KL: variants seen among roughly 807,000 people sequenced by gnomAD.
KL encodes alpha-klotho.
A neutral mutation model predicts 84.2 loss-of-function variants in KL; 62 were observed. The ratio of observed to expected loss-of-function variants is 0.74; its 90% CI spans 0.60 to 0.91. The LOEUF (loss-of-function observed/expected upper bound fraction) is 0.91, where lower values mean the gene tolerates loss of function less well. KL is among the 40% of genes least tolerant of loss of function. KL has a pLI of 0.00. For missense variants in KL, 1,261 were observed against 1,305.7 expected, an observed-to-expected ratio of 0.97 and a Z score of 0.53; for synonymous variants, 528 against 528.0, an observed-to-expected ratio of 1.00 and a Z score of 0.00.
At chr13:33,019,106 A>AT (rs60071648) in intron 1 of KL, among the ~76,000 whole-genome samples, 147,064 of 152,272 alleles carry the variant, frequency 0.97, 71,219 homozygotes, top group East Asian at 1. Flanking sequence ...TGAATGCTCC[A>AT]TTTGCTGATG....
chr13:33,049,611 C>T (rs1194203852), intron 1 of KL, among the ~76,000 whole-genome samples: 1 of 152,078 alleles, frequency 6.6e-6, no homozygotes, highest in Non-Finnish European at 1.5e-5. Context: ...GCAAAACATA[C>T]CTTAGAGAGC....
At chr13:33,062,903 G>C (rs767130723) in intron 4 of KL, among the ~76,000 whole-genome samples, 1 of 152,092 alleles carries the variant, frequency 6.6e-6, no homozygotes, top group African/African-American at 2.4e-5. Context: ...TTAGGAATAT[G>C]TATGGGTTAG....
intron 1 of KL, among the ~76,000 whole-genome samples, chr13:33,027,192 A>G (rs1444849993): frequency 6.6e-6 from 1 of 152,172 alleles, no homozygotes; most frequent in Non-Finnish European, 1.5e-5. Flanking sequence ...GTTGGGATAT[A>G]GTATCTTTTC....
chr13:33,031,208 A>G (rs534110973), intron 1 of KL, among the ~76,000 whole-genome samples: 6 of 152,340 alleles, frequency 3.9e-5, no homozygotes, highest in African/African-American at 1.2e-4. Context: ...TGCACCAGCA[A>G]AATTGTAGTA....
Position 33,065,315 on chromosome 13 carries a change from GCTTTGAACTAGTTTTA to G in KL, c.*1139_*1154del, listed in dbSNP as rs1335572078. 2.8e-5 allele frequency: 6 copies of G among 211,482 alleles called. No homozygotes were observed. Among genetic ancestry groups the G allele is most frequent in the Middle Eastern group, 1.5e-3 (1 of 648 alleles). The allele number at this position is 211,482 out of a possible 1,614,324, so 13.1% of individuals were successfully genotyped here. A position where few individuals can be genotyped will look rare whatever the true frequency, so the allele number is the denominator to read the frequency against. On this transcript the variant is annotated 3_prime_UTR_variant, in exon 5 of 5. Coordinates refer to ENST00000380099, the MANE Select transcript of KL (RefSeq NM_004795.4). The stretch of plus-strand genomic sequence containing the variant: ...TTTTGCTGCTACTTCTGTGGAAGTA[GCTTTGAACTAGTTTTA>G]CTTTGAACTTTCACGCTGAAACATG...
intron 3 of KL, among the ~76,000 whole-genome samples, chr13:33,056,282 G>A (rs1311378353): frequency 6.6e-6 from 1 of 152,180 alleles, no homozygotes; most frequent in African/African-American, 2.4e-5. Context: ...GACATGTTGG[G>A]TTATGGTAGC....
chr13:33,032,743 T>C (rs1871018667), intron 1 of KL, among the ~76,000 whole-genome samples: 5 of 152,146 alleles, frequency 3.3e-5, no homozygotes, highest in Admixed American at 3.3e-4. Context: ...GCATGGGAGA[T>C]ACCCATCTAT....
intron 1 of KL, among the ~76,000 whole-genome samples, chr13:33,043,750 A>G (rs1871424004): frequency 6.6e-6 from 1 of 152,148 alleles, no homozygotes; most frequent in African/African-American, 2.4e-5. Flanking sequence ...TTCGGATATA[A>G]TTATTTTGTC....
At chr13:33,045,394 C>T (rs1341254461) in intron 1 of KL, among the ~76,000 whole-genome samples, 2 of 152,212 alleles carry the variant, frequency 1.3e-5, no homozygotes, top group African/African-American at 4.8e-5. Context: ...ATAGTGAAAG[C>T]AGGCATCTTC....
intron 1 of KL, among the ~76,000 whole-genome samples, chr13:33,036,032 C>T (rs1871137485): frequency 6.6e-6 from 1 of 152,090 alleles, no homozygotes; most frequent in African/African-American, 2.4e-5. Context: ...TCTTAAGTAA[C>T]AAAACTCCAA....
rs1482276167 is a variant in KL, at chr13:33,061,724, A to T, written c.2645A>T (p.Glu882Val). 3 of 1,613,960 alleles carry T rather than the reference A, an allele frequency of 1.9e-6. No individual in the cohort carries two copies. The highest frequency in any genetic ancestry group is 3.3e-5 in the Admixed American group (2 of 60,008). Residue 882 changes from glutamate to valine, a missense_variant, in exon 4 of 5, where the codon GAG (glutamate) becomes GTG (valine). Coordinates refer to ENST00000380099, the MANE Select transcript of KL (RefSeq NM_004795.4). ...GGAATCGATGACGGGCTGCATGCTG[A>T]GGACGACCAGCTGAGGGTGTATTAT... The part of the protein sequence containing the change: ...SNGIDDGLHA[E>V]DDQLRVYYMQ...
chr13:33,031,665 A>G (rs1019641222), intron 1 of KL, among the ~76,000 whole-genome samples: 6 of 152,212 alleles, frequency 3.9e-5, no homozygotes, highest in African/African-American at 1.4e-4. Flanking sequence ...CTAACTCCTC[A>G]TTATCCTAAT....
intron 3 of KL, among the ~76,000 whole-genome samples, chr13:33,058,692 C>T (rs548373519): frequency 6.6e-6 from 1 of 151,948 alleles, no homozygotes; most frequent in Admixed American, 6.6e-5. Context: ...ATACCCTAGT[C>T]TTTCATATTT....
At chr13:33,046,469 A>G (rs1167932072) in intron 1 of KL, among the ~76,000 whole-genome samples, 1 of 152,206 alleles carries the variant, frequency 6.6e-6, no homozygotes, top group African/African-American at 2.4e-5. Flanking sequence ...TAGAAATGAT[A>G]TACAGAAAAG....
chr13:33,054,172 C>T lies in KL; in HGVS notation c.1225C>T (p.Gln409Ter). ...GATTGACCTTGAATTTAACCATCCT[C>T]AAATATTTATTGTGGAAAATGGCTG... ...SWIDLEFNHPQIFIVENGWFV... is the reference protein window; with the variant it reads ...SWIDLEFNHP Residue 409 changes from glutamine to a stop codon, truncating the protein, a stop_gained, in exon 2 of 5, where the codon CAA (glutamine) becomes TAA (stop). Transcript: ENST00000380099. LOFTEE classifies it high-confidence loss of function. 6 of 1,613,888 alleles carry T rather than the reference C, an allele frequency of 3.7e-6. No individual in the cohort carries two copies. Among genetic ancestry groups the T allele is most frequent in the Non-Finnish European group, 5.1e-6 (6 of 1,179,972 alleles).
At chr13:33,024,169 G>A (rs1053674823) in intron 1 of KL, among the ~76,000 whole-genome samples, 21 of 152,228 alleles carry the variant, frequency 1.4e-4, no homozygotes, top group African/African-American at 4.6e-4. Flanking sequence ...AGACCAGTAC[G>A]TTTTGTTCTT....
intron 3 of KL, among the ~76,000 whole-genome samples, chr13:33,057,206 G>T (rs1871995069): frequency 6.6e-6 from 1 of 152,090 alleles, no homozygotes; most frequent in South Asian, 2.1e-4. Context: ...AGTCTGGCAG[G>T]TTCAGTCCTT....
intron 1 of KL, among the ~76,000 whole-genome samples, chr13:33,020,252 T>C (rs1044874233): frequency 1.2e-4 from 19 of 152,180 alleles, no homozygotes; most frequent in Admixed American, 4.6e-4. Context: ...AGCCATCACT[T>C]CTTGTCCCTT....
chr13:33,023,082 C>T (rs1870634260), intron 1 of KL, among the ~76,000 whole-genome samples: 1 of 152,150 alleles, frequency 6.6e-6, no homozygotes, highest in Non-Finnish European at 1.5e-5. Flanking sequence ...CTCTCAAGTG[C>T]CTGACCTGGA....
Sources: gnomAD v4.1 joint callset for allele counts (sites outside exome capture counted in the v4.1 genomes callset) on GRCh38, gnomAD v4.1.1 for gene constraint, MANE v1.5 for transcripts, NCBI Gene and HGNC (gene_info 2026-07-23, HGNC 2026-07-21) for gene names.